The following IGSF21 variants were observed in gnomAD, a reference collection of about 807,000 sequenced individuals.
The protein encoded by IGSF21 is immunoglobulin superfamily member 21.
IGSF21 carries 28 observed loss-of-function variants against 46.8 expected under a neutral mutation model. The observed-to-expected ratio is 0.60, with a 90% CI of 0.44 to 0.82. The LOEUF (loss-of-function observed/expected upper bound fraction) is 0.82, where lower values mean the gene tolerates loss of function less well. IGSF21 is among the 40% of genes least tolerant of loss of function. The probability of loss-of-function intolerance (pLI) is 0.00; values close to 1 mark genes in which losing one functional copy is unlikely to be tolerated. For missense variants in IGSF21, 624 were observed against 665.5 expected, an observed-to-expected ratio of 0.94 and a Z score of 0.69; for synonymous variants, 284 against 273.6, an observed-to-expected ratio of 1.04 and a Z score of -0.38.
chr1:18,127,004 C>A (rs375382672), intron 1 of IGSF21, among the ~76,000 whole-genome samples: 1 of 152,182 alleles, frequency 6.6e-6, no homozygotes, highest in Non-Finnish European at 1.5e-5. Context: ...ACCCTCCCCA[C>A]GTACCCCATG....
intron 1 of IGSF21, among the ~76,000 whole-genome samples, chr1:18,171,707 A>T (rs2086738641): frequency 6.6e-6 from 1 of 152,066 alleles, no homozygotes; most frequent in Admixed American, 6.5e-5. Flanking sequence ...TCTGGCACAA[A>T]CTCCCTTGGC....
At chr1:18,160,592 G>A (rs944562777) in intron 1 of IGSF21, among the ~76,000 whole-genome samples, 3 of 152,154 alleles carry the variant, frequency 2.0e-5, no homozygotes, top group Admixed American at 6.5e-5. Context: ...CATGAGGATC[G>A]TACAGTACTT....
intron 2 of IGSF21, among the ~76,000 whole-genome samples, chr1:18,242,704 G>T (rs1255822539): frequency 6.6e-6 from 1 of 152,210 alleles, no homozygotes; most frequent in Non-Finnish European, 1.5e-5. Flanking sequence ...GTCATGCAAA[G>T]CCTGTTCTTT....
chr1:18,178,250 C>A (rs2086822619), intron 1 of IGSF21, among the ~76,000 whole-genome samples: 1 of 152,158 alleles, frequency 6.6e-6, no homozygotes, highest in South Asian at 2.1e-4. Flanking sequence ...ATCAGATATT[C>A]TCGTTATCCC....
intron 1 of IGSF21, among the ~76,000 whole-genome samples, chr1:18,180,838 C>T (rs1162202032): frequency 6.6e-6 from 1 of 152,216 alleles, no homozygotes; most frequent in East Asian, 1.9e-4. Flanking sequence ...ACTGAGGCAA[C>T]ATGAAGTTAG....
chr1:18,187,797 G>T lies in IGSF21; in HGVS notation c.71-40101G>T, dbSNP rs115341650. 6.7e-3 allele frequency among the ~76,000 whole-genome samples: 1,014 copies of T among 152,218 alleles called. 13 individuals are homozygous for T. The highest frequency in any genetic ancestry group is 0.023 in the African/African-American group (955 of 41,534). ...ACATATGAATTTTTTCTGGGGGGGT[G>T]GGGGAGACATAAACATTGAGTACGT... On this transcript the variant is annotated intron_variant, in intron 1 of 9. Coordinates refer to ENST00000251296, the MANE Select transcript of IGSF21 (RefSeq NM_032880.5).
At chr1:18,353,784 T>G (rs1036079595) in intron 4 of IGSF21, among the ~76,000 whole-genome samples, 13 of 152,172 alleles carry the variant, frequency 8.5e-5, no homozygotes, top group African/African-American at 3.1e-4. Context: ...GAAAAATGTC[T>G]CAGTGTGTTT....
chr1:18,287,417 A>AC (rs1253581455), intron 2 of IGSF21, among the ~76,000 whole-genome samples: 1 of 151,822 alleles, frequency 6.6e-6, no homozygotes, highest in African/African-American at 2.4e-5. Context: ...AAACAAACAA[A>AC]ACAAAAAAAA....
intron 3 of IGSF21, among the ~76,000 whole-genome samples, chr1:18,329,787 T>A (rs930748716): frequency 2.0e-5 from 3 of 152,200 alleles, no homozygotes; most frequent in Admixed American, 1.3e-4. Flanking sequence ...GTTTAGGGCA[T>A]GGCATACTTC....
intron 2 of IGSF21, among the ~76,000 whole-genome samples, chr1:18,228,895 C>T (rs2084596274): frequency 1.3e-5 from 2 of 152,152 alleles, no homozygotes; most frequent in South Asian, 4.1e-4. Flanking sequence ...TCAAAACAGC[C>T]ACAGACAGTG....
intron 2 of IGSF21, among the ~76,000 whole-genome samples, chr1:18,276,491 G>A (rs747591254): frequency 1.1e-4 from 16 of 152,144 alleles, no homozygotes; most frequent in Admixed American, 3.3e-4. Context: ...CGTCTGCCAC[G>A]TCCGCCAATT....
intron 1 of IGSF21, among the ~76,000 whole-genome samples, chr1:18,173,112 C>A (rs2086757256): frequency 6.6e-6 from 1 of 152,150 alleles, no homozygotes; most frequent in South Asian, 2.1e-4. Flanking sequence ...CATGGTGAAA[C>A]CCCATCTCTA....
intron 1 of IGSF21, among the ~76,000 whole-genome samples, chr1:18,190,587 T>G (rs2086945924): frequency 6.6e-6 from 1 of 152,142 alleles, no homozygotes; most frequent in African/African-American, 2.4e-5. Context: ...GTCTTATGGG[T>G]CATTGTAAAC....
intron 3 of IGSF21, among the ~76,000 whole-genome samples, chr1:18,295,833 T>C (rs997900119): frequency 2.3e-4 from 35 of 152,098 alleles, no homozygotes; most frequent in African/African-American, 8.0e-4. Flanking sequence ...CCAATGACTG[T>C]TTATTGGGTG....
intron 1 of IGSF21, among the ~76,000 whole-genome samples, chr1:18,223,202 C>G (rs1370274174): frequency 6.6e-6 from 1 of 152,232 alleles, no homozygotes; most frequent in Non-Finnish European, 1.5e-5. Context: ...CCCCAGGTCT[C>G]TCTGTTTATG....
At chr1:18,267,214 T>C (rs2084997916) in intron 2 of IGSF21, among the ~76,000 whole-genome samples, 1 of 152,196 alleles carries the variant, frequency 6.6e-6, no homozygotes, top group African/African-American at 2.4e-5. Flanking sequence ...CATTGTACAC[T>C]GAGGACCAGC....
intron 1 of IGSF21, among the ~76,000 whole-genome samples, chr1:18,161,588 A>G (rs1221402070): frequency 6.6e-6 from 1 of 152,170 alleles, no homozygotes; most frequent in African/African-American, 2.4e-5. Flanking sequence ...TGACAGGAGA[A>G]CAAACAAGCC....
At chr1:18,338,397 G>A (rs538995821) in intron 4 of IGSF21, among the ~76,000 whole-genome samples, 3 of 152,250 alleles carry the variant, frequency 2.0e-5, no homozygotes, top group Admixed American at 2.0e-4. Flanking sequence ...CTGAACATTG[G>A]GGTCTCTTTT....
chr1:18,245,849 T>C (rs1229727322), intron 2 of IGSF21, among the ~76,000 whole-genome samples: 1 of 152,168 alleles, frequency 6.6e-6, no homozygotes, highest in Non-Finnish European at 1.5e-5. Context: ...CCAAACCACT[T>C]AGAGTCAGAT....
Sources: allele counts gnomAD v4.1 joint callset (sites outside exome capture counted in the v4.1 genomes callset), GRCh38; gene constraint gnomAD v4.1.1; transcripts MANE v1.5; gene names NCBI Gene and HGNC (gene_info 2026-07-23, HGNC 2026-07-21).